RPL32: variants seen among roughly 807,000 people sequenced by gnomAD.
The protein encoded by RPL32 is ribosomal protein L32, also known as large ribosomal subunit protein eL32.
For synonymous variants in RPL32, 61 were observed against 62.6 expected (o/e 0.98, Z 0.12); for missense variants, 117 against 173.7 (o/e 0.67, Z 1.83).
chr3:12,839,903 T>C (rs1194244073), intron 2 of RPL32, among the ~76,000 whole-genome samples: 1 of 152,194 alleles, frequency 6.6e-6, no homozygotes, highest in Non-Finnish European at 1.5e-5. Flanking sequence ...AGGACACAAA[T>C]GCAAAGCCCT....
In RPL32 at chr3:12,840,021, T is replaced by C. The variant is rs2062135566; in HGVS notation, c.96+121A>G. ...GCACACTGGGGGAGACCTGTATTTCTACAGAAAGCTCTTCCACAAGCCAGT... is the reference window on the plus strand; with the variant it reads ...GCACACTGGGGGAGACCTGTATTTCCACAGAAAGCTCTTCCACAAGCCAGT... On this transcript the variant is annotated intron_variant, in intron 2 of 3. Transcript: ENST00000429711. The C allele has an allele frequency of 1.8e-5, 15 of 828,544 alleles. No individual in the cohort carries two copies. In the Admixed American group the frequency reaches 2.2e-4, roughly 12 times the overall value. The allele number at this position is 828,544 out of a possible 1,614,324, so 51.3% of individuals were successfully genotyped here.
intron 1 of RPL32, 195 bp from the exon 2 acceptor site, chr3:12,840,437 G>C (rs1438463483): frequency 1.4e-6 from 1 of 708,864 alleles, no homozygotes; most frequent in Non-Finnish European, 2.6e-6. Flanking sequence ...CTCCAGATGC[G>C]ATCCCAGGAG....
At chr3:12,836,341 G>T in intron 3 of RPL32, 118 bp from the exon 4 acceptor site, 1 of 1,231,888 alleles carries the variant, frequency 8.1e-7, no homozygotes, top group Non-Finnish European at 1.1e-6. Flanking sequence ...GTAAGTGGCT[G>T]TGGAATGACA....
In RPL32 at chr3:12,836,198, T is replaced by C. The variant is rs748611782; in HGVS notation, c.304A>G (p.Asn102Asp). ...GCTTTGCGGTTCTTGGAGGAAACAT[T>C]GTGAGCGATCTCGGCACAGTAAGAT... ...NKSYCAEIAH[N>D]VSSKNRKAIV... is the part of the protein sequence containing the mutation. The change falls in exon 4 of 4, where the codon AAT (asparagine) becomes GAT (aspartate). Residue 102 changes from asparagine (N) to aspartate (D), a missense_variant. Physicochemically the swap from Asn to Asp is conservative, Grantham distance 23. Transcript: ENST00000429711. 8.1e-6 allele frequency: 13 copies of C among 1,600,676 alleles called. No individual in the cohort carries two copies. Among genetic ancestry groups the C allele is most frequent in the Non-Finnish European group, 1.1e-5 (13 of 1,179,788 alleles).
chr3:12,841,138 C>A (rs1375215631), intron 1 of RPL32: 2 of 152,534 alleles, frequency 1.3e-5, no homozygotes, highest in East Asian at 3.9e-4. Context: ...TACACGTGGG[C>A]CGACATTGGT....
chr3:12,838,095 C>CA (rs1191987748), intron 3 of RPL32, among the ~76,000 whole-genome samples: 1 of 152,226 alleles, frequency 6.6e-6, no homozygotes, highest in African/African-American at 2.4e-5. Flanking sequence ...CAGGGCAACA[C>CA]AGAGCCTGTC....
chr3:12,841,375 A>C (rs2062151334), intron 1 of RPL32, 119 bp downstream of exon 1: 1 of 152,296 alleles, frequency 6.6e-6, no homozygotes, highest in South Asian at 2.1e-4. Flanking sequence ...ACGCTCCAGT[A>C]AGCTGACAAT....
chr3:12,840,004 G>A (rs2062135369), intron 2 of RPL32, 138 bp downstream of exon 2: 2 of 758,150 alleles, frequency 2.6e-6, no homozygotes, highest in Admixed American at 1.9e-5. Flanking sequence ...GGGCACACTG[G>A]GGGAGACCTG....
intron 3 of RPL32, among the ~76,000 whole-genome samples, chr3:12,836,823 AT>A (rs1256253685): frequency 6.6e-6 from 1 of 152,238 alleles, no homozygotes; most frequent in African/African-American, 2.4e-5. Context: ...TTGATAACCA[AT>A]AGGCCTAACA....
At chr3:12,839,620 G>T in intron 2 of RPL32, 90 bp from the exon 3 acceptor site, 3 of 1,265,404 alleles carry the variant, frequency 2.4e-6, no homozygotes, top group Non-Finnish European at 3.5e-6. Flanking sequence ...AAATGAAAAG[G>T]AAGTATGCCA....
Position 12,840,233 on chromosome 3 carries a change from G to C in RPL32, c.5C>G (p.Ala2Gly). The change falls in exon 2 of 4, where the codon GCC becomes GGC. Residue 2 changes from alanine (A) to glycine (G), a missense_variant. Ala to Gly is a moderately conservative substitution (Grantham distance 60). Transcript: ENST00000429711. ...GGGCTTCACAAGGGGTCTGAGGGCG[G>C]CCATGATGCCTTTTGGGGAAGAAGC... Reference protein sequence around the residue: MAALRPLVKPKI... With the variant: MGALRPLVKPKI... 6.2e-7 allele frequency: 1 copy of C among 1,613,442 alleles called. No homozygotes were observed. Among genetic ancestry groups the C allele is most frequent in the East Asian group, 2.2e-5 (1 of 44,874 alleles).
At chr3:12,839,970 C>G (rs1475667865) in intron 2 of RPL32, among the ~76,000 whole-genome samples, 172 bp downstream of exon 2, 1 of 152,164 alleles carries the variant, frequency 6.6e-6, no homozygotes, top group African/African-American at 2.4e-5. Flanking sequence ...CTTCACACAT[C>G]AAGAGACATA....
chr3:12,839,618 A>G, intron 2 of RPL32, 88 bp from the exon 3 acceptor site: 1 of 1,277,944 alleles, frequency 7.8e-7, no homozygotes, highest in Non-Finnish European at 1.1e-6. Flanking sequence ...CCAAATGAAA[A>G]GGAAGTATGC....
intron 2 of RPL32, among the ~76,000 whole-genome samples, 170 bp downstream of exon 2, chr3:12,839,972 A>G (rs576283086): frequency 6.6e-6 from 1 of 152,340 alleles, no homozygotes; most frequent in East Asian, 1.9e-4. Flanking sequence ...TCACACATCA[A>G]GAGACATAAG....
intron 1 of RPL32, chr3:12,841,280 C>G (rs557518055): frequency 2.0e-5 from 3 of 152,530 alleles, no homozygotes; most frequent in African/African-American, 7.2e-5. Flanking sequence ...AAACAAGCAG[C>G]CCGCAGCTCT....
rs367921222 is a variant in RPL32, at chr3:12,840,305, G to A, written c.-5-63C>T. 5.1e-5 allele frequency: 60 copies of A among 1,169,776 alleles called. No individual in the cohort carries two copies. The Middle Eastern group carries it at 5.8e-4, about 11-fold the overall frequency. The allele number at this position is 1,169,776 out of a possible 1,614,324, so 72.5% of individuals were successfully genotyped here. A position where few individuals can be genotyped will look rare whatever the true frequency, so the allele number is the denominator to read the frequency against. ...CTGGAAGGAGGCTTTCCTGCCCAGG[G>A]ACTGAACACTGTCGCAGAGTGTCTT... On this transcript the variant is annotated intron_variant, in intron 1 of 3. Coordinates refer to ENST00000429711, the MANE Select transcript of RPL32 (RefSeq NM_000994.4).
At chr3:12,840,536 G>A in intron 1 of RPL32, 1 of 539,498 alleles carries the variant, frequency 1.9e-6, no homozygotes, top group South Asian at 1.4e-5. Flanking sequence ...CAATTTGCAA[G>A]GGGCAGCAAA....
chr3:12,837,007 A>ATCCAGACAATTCTTGTTTTATATGAG (rs1377543563), intron 3 of RPL32, among the ~76,000 whole-genome samples: 1 of 152,232 alleles, frequency 6.6e-6, no homozygotes, highest in Non-Finnish European at 1.5e-5. Flanking sequence ...AAGACAGCAA[A>ATCCAGACAATTCTTGTTTTATATGAG]TCCAGACAAT....
chr3:12,840,794 G>A (rs1051568260), intron 1 of RPL32: 1 of 266,790 alleles, frequency 3.7e-6, no homozygotes, highest in Admixed American at 4.6e-5. Context: ...CAAACCTGGA[G>A]ATCTTCCAGT....
Sources: gnomAD v4.1 joint callset for allele counts (sites outside exome capture counted in the v4.1 genomes callset) on GRCh38, gnomAD v4.1.1 for gene constraint, MANE v1.5 for transcripts, NCBI Gene and HGNC (gene_info 2026-07-23, HGNC 2026-07-21) for gene names.